The following RNFT2 variants were observed in gnomAD, a reference collection of about 807,000 sequenced individuals.
RNFT2 encodes the protein E3 ubiquitin-protein ligase RNFT2.
RNFT2 carries 36 observed loss-of-function variants against 53.0 expected under a neutral mutation model. The ratio of observed to expected loss-of-function variants is 0.68; its 90% CI spans 0.52 to 0.90. RNFT2 has a LOEUF of 0.90. Among genes scored for constraint, RNFT2 ranks in the 40% least tolerant of loss-of-function variants. The pLI is 0.00. For synonymous variants in RNFT2, 260 were observed against 253.2 expected (o/e 1.03, Z -0.26); for missense variants, 514 against 585.6 (o/e 0.88, Z 1.26).
intron 3 of RNFT2, among the ~76,000 whole-genome samples, chr12:116,743,213 T>TAAAAAAAAAGAA (rs1871705932): frequency 9.4e-5 from 1 of 10,678 alleles, no homozygotes; most frequent in Non-Finnish European, 1.7e-4. Flanking sequence ...AGGTAGAATC[T>TAAAAAAAAAGAA]AAAAAAAAAA....
Position 116,779,267 on chromosome 12 carries a change from C to T in RNFT2, c.801C>T (p.Asp267=), listed in dbSNP as rs1873581346. 1 of 1,614,014 alleles carries T rather than the reference C, an allele frequency of 6.2e-7. No homozygotes were observed. Among genetic ancestry groups the T allele is most frequent in the South Asian group, 1.1e-5 (1 of 91,080 alleles). The change falls in exon 7 of 11, where the codon GAC becomes GAT. Residue 267 remains aspartate, a synonymous_variant. Transcript: ENST00000257575. ...FDLLWIVGIA[D]FVLKYITIAL... Reference sequence around the variant, plus strand: ...TGCTATGGATTGTGGGGATCGCAGACTTTGTTCTGAAGTACATCACCATCG... The same window carrying T: ...TGCTATGGATTGTGGGGATCGCAGATTTTGTTCTGAAGTACATCACCATCG...
At chr12:116,820,005 A>G (rs1875924613) in intron 7 of RNFT2, among the ~76,000 whole-genome samples, 1 of 152,256 alleles carries the variant, frequency 6.6e-6, no homozygotes, top group Non-Finnish European at 1.5e-5. Context: ...TAATCAACAT[A>G]AAATTTTTAA....
chr12:116,848,975 C>T (rs1160979433), intron 10 of RNFT2, among the ~76,000 whole-genome samples: 3 of 152,012 alleles, frequency 2.0e-5, no homozygotes, highest in African/African-American at 4.8e-5. Flanking sequence ...CCCACCACCA[C>T]GCCCGGCTAA....
intron 6 of RNFT2, among the ~76,000 whole-genome samples, chr12:116,770,742 A>G (rs995342387): frequency 1.3e-5 from 2 of 152,004 alleles, no homozygotes; most frequent in Non-Finnish European, 1.5e-5. Flanking sequence ...TATTTTTAGT[A>G]GAGATGAGGT....
At position 116,849,588 on chromosome 12, in the gene RNFT2, GC is replaced by G. The variant is rs1232723664; in HGVS notation, c.*144del. The G allele has an allele frequency of 2.1e-6, 3 of 1,416,454 alleles. No individual in the cohort carries two copies. In the East Asian group the frequency reaches 7.6e-5, roughly 36 times the overall value. 87.7% of individuals were successfully genotyped at this position (1,416,454 alleles called of 1,614,324 possible). A position where few individuals can be genotyped will look rare whatever the true frequency, so the allele number is the denominator to read the frequency against. On this transcript the variant is annotated 3_prime_UTR_variant, in exon 11 of 11. Transcript: ENST00000257575. Reference sequence around the variant, plus strand: ...CCACCACCTCTGACCCCAAAGTCCCGCCCCTGTCTTGTCCTTCTGACCTTCA... The same window carrying G: ...CCACCACCTCTGACCCCAAAGTCCCGCCCTGTCTTGTCCTTCTGACCTTCA...
Position 116,853,479 on chromosome 12 carries a change from G to T in RNFT2, c.*4031G>T. On this transcript the variant is annotated 3_prime_UTR_variant, in exon 11 of 11. Transcript: ENST00000257575. ...TGTGCAGAGTGTTAGGAAGACATCC[G>T]GGCTGCTGAGACTCGGGATTAGAAG... The T allele has an allele frequency of 3.1e-6, 1 of 325,208 alleles. No individual in the cohort carries two copies. Among genetic ancestry groups the T allele is most frequent in the Non-Finnish European group, 5.5e-6 (1 of 180,316 alleles). The allele number at this position is 325,208 out of a possible 1,614,324, so 20.1% of individuals were successfully genotyped here.
At chr12:116,831,066 C>T (rs1876618960) in intron 7 of RNFT2, among the ~76,000 whole-genome samples, 1 of 151,798 alleles carries the variant, frequency 6.6e-6, no homozygotes, top group Non-Finnish European at 1.5e-5. Context: ...GTGTTGGGCC[C>T]CTTCAACTTG....
chr12:116,766,106 T>TA (rs978762580), intron 5 of RNFT2, among the ~76,000 whole-genome samples: 16 of 145,924 alleles, frequency 1.1e-4, no homozygotes, highest in Middle Eastern at 3.2e-3. Flanking sequence ...ACTCTGTCTC[T>TA]AAAAAAAAAT....
chr12:116,739,122 C>A lies in RNFT2; in HGVS notation c.-154+752C>A, dbSNP rs191317562. 7.4e-4 allele frequency among the ~76,000 whole-genome samples: 112 copies of A among 152,250 alleles called. No individual in the cohort carries two copies. In the East Asian group the frequency reaches 0.015, roughly 21 times the overall value. ...AGGAAGTCATTCAACAGCCAATAAT[C>A]GTGCCCTAAACTGAAGTCAGACACC... On this transcript the variant is annotated intron_variant, in intron 1 of 10. Transcript: ENST00000257575.
At chr12:116,840,379 A>G (rs1222125247) in intron 10 of RNFT2, among the ~76,000 whole-genome samples, 3 of 152,204 alleles carry the variant, frequency 2.0e-5, no homozygotes, top group Non-Finnish European at 4.4e-5. Flanking sequence ...CAGTCACAGA[A>G]CCAGGATTCA....
chr12:116,767,338 C>T (rs561474131), intron 6 of RNFT2, among the ~76,000 whole-genome samples: 1 of 152,088 alleles, frequency 6.6e-6, no homozygotes, highest in South Asian at 2.1e-4. Flanking sequence ...CCCACCTCAG[C>T]TTCCCAAGTA....
chr12:116,756,804 C>T (rs1872527324), intron 5 of RNFT2, among the ~76,000 whole-genome samples: 2 of 151,964 alleles, frequency 1.3e-5, no homozygotes, highest in Admixed American at 1.3e-4. Context: ...TTGGTTATGT[C>T]CTTTCCTGGT....
In RNFT2 at chr12:116,851,897, C is replaced by T. The variant is rs1442524270; in HGVS notation, c.*2449C>T. On this transcript the variant is annotated 3_prime_UTR_variant, in exon 11 of 11. Coordinates refer to ENST00000257575, the MANE Select transcript of RNFT2 (RefSeq NM_001382266.1). ...ATTCTGTCATCTCCCTCACTTAAGTCTCAGGCCTGTCAGCAGCTCCTGTGG... is the reference window on the plus strand; with the variant it reads ...ATTCTGTCATCTCCCTCACTTAAGTTTCAGGCCTGTCAGCAGCTCCTGTGG... The T allele has an allele frequency of 1.3e-6, 2 of 1,536,404 alleles. No individual in the cohort carries two copies. Among genetic ancestry groups the T allele is most frequent in the East Asian group, 2.4e-5 (1 of 40,920 alleles).
intron 7 of RNFT2, among the ~76,000 whole-genome samples, chr12:116,787,740 A>T (rs568987493): frequency 6.6e-6 from 1 of 151,088 alleles, no homozygotes; most frequent in Non-Finnish European, 1.5e-5. Context: ...AAAAGATATA[A>T]TGTGTATAAT....
intron 10 of RNFT2, among the ~76,000 whole-genome samples, chr12:116,849,043 C>G (rs1317313726): frequency 6.6e-6 from 1 of 152,124 alleles, no homozygotes; most frequent in African/African-American, 2.4e-5. Context: ...TGGTCTCAAA[C>G]TCCTGCCTCA....
rs183160938 is a variant in RNFT2 at position 116,740,284 on chromosome 12, G to A, written c.-153-61G>A. ...TTATAGCTACCAACAATGTCCTAAG[G>A]CTTCTTAGCAGATTCAAGGTATCGC... On this transcript the variant is annotated intron_variant, in intron 1 of 10. Coordinates refer to ENST00000257575, the MANE Select transcript of RNFT2 (RefSeq NM_001382266.1). 3.1e-4 allele frequency: 173 copies of A among 554,744 alleles called. 1 individual carries two copies. In the East Asian group the frequency reaches 5.1e-3, roughly 16 times the overall value. 34.4% of individuals were successfully genotyped at this position (554,744 alleles called of 1,614,324 possible).
At chr12:116,822,352 C>T (rs182513093) in intron 7 of RNFT2, among the ~76,000 whole-genome samples, 2 of 152,122 alleles carry the variant, frequency 1.3e-5, no homozygotes, top group Non-Finnish European at 2.9e-5. Context: ...CTCTGTCTCT[C>T]TCTCTCTCTG....
At chr12:116,738,506 T>C (rs970425908) in intron 1 of RNFT2, 136 bp downstream of exon 1, 3 of 152,248 alleles carry the variant, frequency 2.0e-5, no homozygotes, top group Admixed American at 6.5e-5. Flanking sequence ...GTTCCCGAAG[T>C]GCACCTGCCG....
chr12:116,771,460 TAAA>T lies in RNFT2; in HGVS notation c.728+4579_728+4581del, dbSNP rs35911608. On this transcript the variant is annotated intron_variant, in intron 6 of 10. Transcript: ENST00000257575. The stretch of plus-strand genomic sequence containing the variant: ...GGGTGACAAAATGAGATCCTATCGT[TAAA>T]AAAAAAAAAAAAAAAAAAAAAAAAA... 5.3e-3 allele frequency among the ~76,000 whole-genome samples: 341 copies of T among 64,062 alleles called. 2 individuals are homozygous for T. Among genetic ancestry groups the T allele is most frequent in the African/African-American group, 0.014 (230 of 16,596 alleles). The allele number at this position is 64,062 out of a possible 152,430, so 42.0% of individuals were successfully genotyped here.
Sources: gnomAD v4.1 joint callset for allele counts (sites outside exome capture counted in the v4.1 genomes callset) on GRCh38, gnomAD v4.1.1 for gene constraint, MANE v1.5 for transcripts, NCBI Gene and HGNC (gene_info 2026-07-23, HGNC 2026-07-21) for gene names.